The following MVB12B variants were observed in gnomAD, a reference collection of about 807,000 sequenced individuals.
MVB12B encodes the protein ESCRT-I complex subunit MVB12B.
A neutral mutation model predicts 41.6 loss-of-function variants in MVB12B; 16 were observed. The observed-to-expected ratio is 0.38, with a 90% CI of 0.26 to 0.58. The LOEUF is 0.58. Ranked by LOEUF, MVB12B falls within the 20% of genes least tolerant of loss-of-function variation. The pLI is 0.62. For missense variants in MVB12B, 274 were observed against 380.2 expected (o/e 0.72, Z 2.32); for synonymous variants, 133 against 139.7 (o/e 0.95, Z 0.34).
chr9:126,415,978 A>G (rs13287842), intron 6 of MVB12B, among the ~76,000 whole-genome samples: 40,716 of 152,108 alleles, frequency 0.27, 5,584 homozygotes, highest in African/African-American at 0.3. Context: ...ACAAGAGCAG[A>G]GGCTGGAGGA....
chr9:126,435,519 G>A (rs1470353080), intron 7 of MVB12B, among the ~76,000 whole-genome samples: 3 of 152,106 alleles, frequency 2.0e-5, no homozygotes, highest in African/African-American at 7.2e-5. Context: ...TTTTCATCAA[G>A]TCAGCTCTGG....
At chr9:126,329,213 A>G (rs969485419) in intron 1 of MVB12B, among the ~76,000 whole-genome samples, 1 of 152,224 alleles carries the variant, frequency 6.6e-6, no homozygotes, top group African/African-American at 2.4e-5. Context: ...GGGGAGTCAC[A>G]GAACCTTTCT....
At chr9:126,337,439 T>C (rs1265409657) in intron 1 of MVB12B, among the ~76,000 whole-genome samples, 1 of 152,246 alleles carries the variant, frequency 6.6e-6, no homozygotes, top group Non-Finnish European at 1.5e-5. Context: ...TCTGTACTTT[T>C]TCCCCCTTGC....
intron 7 of MVB12B, among the ~76,000 whole-genome samples, chr9:126,475,039 C>T (rs188184055): frequency 6.6e-6 from 1 of 152,360 alleles, no homozygotes; most frequent in East Asian, 1.9e-4. Flanking sequence ...TACTCACCTA[C>T]AGCCGCCTTC....
Position 126,326,956 on chromosome 9 carries a change from G to A in MVB12B, c.27G>A (p.Arg9=), listed in dbSNP as rs76544515. Residue 9 remains arginine (R), a synonymous_variant, in exon 1 of 10, where the codon CGG becomes CGA. Coordinates refer to ENST00000361171, the MANE Select transcript of MVB12B (RefSeq NM_033446.3). ...TGAGAAGCTGCTTCTGCGTGAGACGGAGCCGGGACCCGCCGCCGCCGCAGC... is the reference window on the plus strand; with the variant it reads ...TGAGAAGCTGCTTCTGCGTGAGACGAAGCCGGGACCCGCCGCCGCCGCAGC... MRSCFCVR[R]SRDPPPPQPP... The A allele has an allele frequency of 0.036, 9,814 of 270,948 alleles. 288 individuals are homozygous for A. Among genetic ancestry groups the A allele is most frequent in the Non-Finnish European group, 0.05 (6,681 of 133,482 alleles). The allele number at this position is 270,948 out of a possible 1,614,324, so 16.8% of individuals were successfully genotyped here.
intron 9 of MVB12B, 65 bp downstream of exon 9, chr9:126,484,097 G>C (rs982583430): frequency 1.7e-5 from 25 of 1,484,900 alleles, no homozygotes; most frequent in Non-Finnish European, 2.3e-5. Context: ...GGCGTCTCTC[G>C]TGTGTTCCCC....
At chr9:126,343,914 C>G (rs1420244375) in intron 2 of MVB12B, among the ~76,000 whole-genome samples, 1 of 152,174 alleles carries the variant, frequency 6.6e-6, no homozygotes, top group African/African-American at 2.4e-5. Flanking sequence ...GAGACTCTGT[C>G]TCTAAATAAA....
At chr9:126,495,617 A>G (rs1833813528) in intron 9 of MVB12B, among the ~76,000 whole-genome samples, 1 of 152,064 alleles carries the variant, frequency 6.6e-6, no homozygotes. Flanking sequence ...CCGTGTAGGG[A>G]GTGCGGGGTA....
intron 7 of MVB12B, among the ~76,000 whole-genome samples, chr9:126,461,737 G>A (rs569533927): frequency 3.8e-4 from 58 of 152,274 alleles, no homozygotes; most frequent in Non-Finnish European, 4.4e-4. Flanking sequence ...GAACCCAGGC[G>A]TGGAGGTGGG....
At chr9:126,368,651 A>G (rs1038027682) in intron 2 of MVB12B, among the ~76,000 whole-genome samples, 11 of 152,218 alleles carry the variant, frequency 7.2e-5, no homozygotes, top group African/African-American at 2.7e-4. Flanking sequence ...TAATGCCAAT[A>G]CATCTCGTTG....
At chr9:126,419,886 C>T (rs889431508) in intron 6 of MVB12B, among the ~76,000 whole-genome samples, 4 of 152,198 alleles carry the variant, frequency 2.6e-5, no homozygotes, top group African/African-American at 7.2e-5. Flanking sequence ...AGGTGACTGA[C>T]GCCTTCATTA....
At position 126,372,975 on chromosome 9, in the gene MVB12B, C is replaced by T. The variant is rs114417733; in HGVS notation, c.205-8089C>T. The stretch of plus-strand genomic sequence containing the variant: ...TGAGAAGGAGAACTAGAGTGGAAAG[C>T]GGGTACAGTACTAGGGTTAGACATA... On this transcript the variant is annotated intron_variant, in intron 2 of 9. Transcript: ENST00000361171. Among the ~76,000 whole-genome samples the T allele has an allele frequency of 6.5e-3, 995 of 152,178 alleles. 13 individuals carry two copies. Among genetic ancestry groups the T allele is most frequent in the African/African-American group, 0.022 (931 of 41,510 alleles).
intron 1 of MVB12B, among the ~76,000 whole-genome samples, chr9:126,339,729 G>A (rs911741091): frequency 6.6e-6 from 1 of 152,178 alleles, no homozygotes; most frequent in African/African-American, 2.4e-5. Context: ...TCACATTTCT[G>A]ACCAGTTACC....
At chr9:126,487,246 A>G (rs1233045640) in intron 9 of MVB12B, among the ~76,000 whole-genome samples, 1 of 152,172 alleles carries the variant, frequency 6.6e-6, no homozygotes, top group African/African-American at 2.4e-5. Context: ...GGTCCAGTGA[A>G]TGGCCTGAAC....
chr9:126,457,928 C>T (rs1023148195), intron 7 of MVB12B, among the ~76,000 whole-genome samples: 1 of 152,186 alleles, frequency 6.6e-6, no homozygotes, highest in Non-Finnish European at 1.5e-5. Flanking sequence ...GAGCAAAAAG[C>T]TTGTGCTTTC....
intron 9 of MVB12B, among the ~76,000 whole-genome samples, chr9:126,497,668 AC>A (rs933053098): frequency 2.0e-5 from 3 of 151,938 alleles, no homozygotes; most frequent in Admixed American, 2.0e-4. Flanking sequence ...GCTTCTCCCT[AC>A]CCCCAAGGCC....
Position 126,333,670 on chromosome 9 carries a change from G to A in MVB12B, c.81+6660G>A, listed in dbSNP as rs969852984. 2.6e-5 allele frequency among the ~76,000 whole-genome samples: 4 copies of A among 152,160 alleles called. No homozygotes were observed. Among genetic ancestry groups the A allele is most frequent in the African/African-American group, 9.7e-5 (4 of 41,438 alleles). Reference sequence around the variant, plus strand: ...CTGCCCACCTTGGCCTCAGAGTGCTGGGATTACAGGCGTGAGCCACCATGC... The same window carrying A: ...CTGCCCACCTTGGCCTCAGAGTGCTAGGATTACAGGCGTGAGCCACCATGC... On this transcript the variant is annotated intron_variant, in intron 1 of 9. Coordinates refer to ENST00000361171, the MANE Select transcript of MVB12B (RefSeq NM_033446.3). This position sits in a 1 kb window ranked among gnomAD's most constrained non-coding sequence, Gnocchi z 4.7.
chr9:126,444,996 AT>A (rs1832730098), intron 7 of MVB12B, among the ~76,000 whole-genome samples: 1 of 152,182 alleles, frequency 6.6e-6, no homozygotes, highest in East Asian at 1.9e-4. Flanking sequence ...TTATCTTACT[AT>A]TCTTTGTAGT....
intron 2 of MVB12B, among the ~76,000 whole-genome samples, chr9:126,365,214 C>G (rs1830138096): frequency 8.5e-6 from 1 of 117,816 alleles, no homozygotes; most frequent in East Asian, 2.5e-4. Context: ...CCACCACACC[C>G]AGCTAATTTT....
Sources: gnomAD v4.1 joint callset for allele counts (sites outside exome capture counted in the v4.1 genomes callset) on GRCh38, gnomAD v4.1.1 for gene constraint, Gnocchi (gnomAD v3.1) non-coding constraint, MANE v1.5 for transcripts, NCBI Gene and HGNC (gene_info 2026-07-23, HGNC 2026-07-21) for gene names.